The following PDE1C variants were observed in gnomAD, a reference collection of about 807,000 sequenced individuals.
PDE1C encodes the protein phosphodiesterase 1C.
A neutral mutation model predicts 93.1 loss-of-function variants in PDE1C; 62 were observed. The observed-to-expected ratio is 0.67, with a 90% confidence interval of 0.54 to 0.82. The LOEUF (loss-of-function observed/expected upper bound fraction) is 0.82. Ranked by LOEUF, PDE1C falls within the 40% of genes least tolerant of loss-of-function variation. The pLI, the probability that PDE1C is intolerant of heterozygous loss-of-function variation, is 0.00. For missense variants in PDE1C, 742 were observed against 884.6 expected (o/e 0.84, Z 2.04); for synonymous variants, 325 against 310.1 (o/e 1.05, Z -0.50).
intron 9 of PDE1C, among the ~76,000 whole-genome samples, chr7:31,841,598 C>T (rs1791904617): frequency 6.6e-6 from 1 of 152,002 alleles, no homozygotes; most frequent in African/African-American, 2.4e-5. Flanking sequence ...TTGTCAAATG[C>T]TTGTTATATA....
At chr7:32,263,950 G>T (rs1347512299) in intron 1 of PDE1C, among the ~76,000 whole-genome samples, 2 of 152,160 alleles carry the variant, frequency 1.3e-5, no homozygotes, top group Non-Finnish European at 2.9e-5. Context: ...TCAAGGTACT[G>T]TCAGATTTTT....
intron 16 of PDE1C, among the ~76,000 whole-genome samples, chr7:31,805,917 T>C (rs1317074593): frequency 2.0e-5 from 3 of 151,938 alleles, no homozygotes; most frequent in Non-Finnish European, 4.4e-5. Context: ...CTCCATTTCC[T>C]GATGTCTGGT....
At chr7:32,057,724 G>A (rs746263218) in intron 1 of PDE1C, among the ~76,000 whole-genome samples, 9 of 152,124 alleles carry the variant, frequency 5.9e-5, no homozygotes, top group African/African-American at 2.2e-4. Flanking sequence ...GGCAAACAGC[G>A]AGAAACAACA....
chr7:32,096,537 C>G (rs536646641), intron 3 of PDE1C, among the ~76,000 whole-genome samples: 1 of 152,238 alleles, frequency 6.6e-6, no homozygotes, highest in East Asian at 1.9e-4. Flanking sequence ...TACCTGGGTT[C>G]AAATCTTGGC....
intron 1 of PDE1C, among the ~76,000 whole-genome samples, chr7:32,332,064 A>C (rs12701215): frequency 0.077 from 11,669 of 152,306 alleles, 527 homozygotes; most frequent in East Asian, 0.13. Flanking sequence ...AATAAGTGCC[A>C]AGCATCCAGT....
chr7:32,012,072 C>G (rs1787201998), intron 2 of PDE1C, among the ~76,000 whole-genome samples: 1 of 152,146 alleles, frequency 6.6e-6, no homozygotes, highest in African/African-American at 2.4e-5. Flanking sequence ...AAGAAGTAAG[C>G]TGCAAAAGAG....
At chr7:32,143,869 C>T (rs972605661) in intron 3 of PDE1C, among the ~76,000 whole-genome samples, 7 of 152,114 alleles carry the variant, frequency 4.6e-5, no homozygotes, top group South Asian at 2.1e-4. Flanking sequence ...GAAATTCTAA[C>T]GCACATGTAG....
At chr7:32,192,046 C>A (rs1804273006) in intron 2 of PDE1C, among the ~76,000 whole-genome samples, 1 of 151,968 alleles carries the variant, frequency 6.6e-6, no homozygotes, top group South Asian at 2.1e-4. Context: ...GTTCTTTGAC[C>A]ATATTCAAAA....
intron 17 of PDE1C, among the ~76,000 whole-genome samples, chr7:31,754,703 G>C (rs563982455): frequency 6.6e-6 from 1 of 152,172 alleles, no homozygotes; most frequent in Non-Finnish European, 1.5e-5. Flanking sequence ...CTATAGAGAT[G>C]ATAAAAACAT....
intron 2 of PDE1C, among the ~76,000 whole-genome samples, chr7:31,949,934 T>G (rs1466886759): frequency 1.3e-5 from 2 of 152,178 alleles, no homozygotes; most frequent in Non-Finnish European, 2.9e-5. Context: ...TTAGCTGGTT[T>G]TCTTATTTTC....
chr7:31,852,522 C>CG (rs1041538397), intron 7 of PDE1C, among the ~76,000 whole-genome samples: 7 of 152,108 alleles, frequency 4.6e-5, no homozygotes, highest in East Asian at 1.9e-4. Context: ...TTCATTGTCT[C>CG]GGGGGGCCCC....
At chr7:31,959,218 G>GTTTGTTTT (rs1297500045) in intron 2 of PDE1C, among the ~76,000 whole-genome samples, 2 of 151,926 alleles carry the variant, frequency 1.3e-5, no homozygotes, top group Non-Finnish European at 2.9e-5. Flanking sequence ...TTGTTTGTTT[G>GTTTGTTTT]TTTGTTTTTT....
intron 3 of PDE1C, among the ~76,000 whole-genome samples, chr7:32,111,133 C>T (rs894794126): frequency 6.6e-6 from 1 of 152,096 alleles, no homozygotes; most frequent in Non-Finnish European, 1.5e-5. Context: ...AGAGAAAACT[C>T]AAGGGCATTT....
the PDE1C span, among the ~76,000 whole-genome samples, chr7:31,742,116 G>A: frequency 9.2e-5 from 14 of 152,198 alleles, no homozygotes; most frequent in Admixed American, 9.2e-4. Context: ...AGGAATAAAG[G>A]CATGAAGAAA....
At chr7:31,781,181 G>A (rs62457307) in intron 16 of PDE1C, among the ~76,000 whole-genome samples, 10,823 of 152,248 alleles carry the variant, frequency 0.071, 955 homozygotes, top group African/African-American at 0.2. Flanking sequence ...CACAAAGTTA[G>A]TGCTAAAGCA....
the PDE1C span, among the ~76,000 whole-genome samples, chr7:31,623,372 C>T: frequency 0.26 from 39,727 of 151,110 alleles, 5,684 homozygotes; most frequent in Non-Finnish European, 0.32. Context: ...ACTGGCAAAC[C>T]GAATCCAGCA....
At chr7:32,056,988 C>T (rs1431957703) in intron 1 of PDE1C, among the ~76,000 whole-genome samples, 6 of 152,146 alleles carry the variant, frequency 3.9e-5, no homozygotes, top group Non-Finnish European at 7.4e-5. Context: ...TGCCACCCAC[C>T]CCAGCAATGT....
chr7:32,042,515 G>A (rs753513901), intron 2 of PDE1C, among the ~76,000 whole-genome samples: 1 of 152,156 alleles, frequency 6.6e-6, no homozygotes, highest in Admixed American at 6.5e-5. Flanking sequence ...GAAAATGCAT[G>A]TAAAGCACCT....
At chr7:31,828,401 T>A in intron 11 of PDE1C, 28 bp from the exon 12 acceptor site, 1 of 1,581,468 alleles carries the variant, frequency 6.3e-7, no homozygotes, top group South Asian at 1.1e-5. Flanking sequence ...CATAGTAAAT[T>A]AAGGAACAGT....
Sources: gnomAD v4.1 joint callset for allele counts (sites outside exome capture counted in the v4.1 genomes callset) on GRCh38, gnomAD v4.1.1 for gene constraint, MANE v1.5 for transcripts, NCBI Gene and HGNC (gene_info 2026-07-23, HGNC 2026-07-21) for gene names.